MGAT4C: variants seen among roughly 807,000 people sequenced by gnomAD.
The protein encoded by MGAT4C is MGAT4 family member C, also known as alpha-1,3-mannosyl-glycoprotein 4-beta-N-acetylglucosaminyltransferase C.
A neutral mutation model predicts 40.1 loss-of-function variants in MGAT4C; 19 were observed. The ratio of observed to expected loss-of-function variants is 0.47; its 90% CI spans 0.33 to 0.70. MGAT4C has a LOEUF of 0.70. MGAT4C is among the 30% of genes least tolerant of loss of function. The probability of loss-of-function intolerance (pLI) is 0.02; values close to 1 mark genes in which losing one functional copy is unlikely to be tolerated. For missense variants in MGAT4C, 491 were observed against 563.2 expected, an observed-to-expected ratio of 0.87 and a Z score of 1.30; for synonymous variants, 181 against 187.1, an observed-to-expected ratio of 0.97 and a Z score of 0.27.
chr12:86,047,221 A>C (rs2136956883), intron 2 of MGAT4C, among the ~76,000 whole-genome samples: 1 of 152,254 alleles, frequency 6.6e-6, no homozygotes, highest in South Asian at 2.1e-4. Flanking sequence ...AAATCACTAT[A>C]ATTTTTTCTT....
intron 2 of MGAT4C, among the ~76,000 whole-genome samples, chr12:86,539,525 T>C (rs991871510): frequency 6.6e-5 from 10 of 152,224 alleles, no homozygotes; most frequent in African/African-American, 1.9e-4. Flanking sequence ...TTATAATCCT[T>C]TGGGTATGTA....
At chr12:86,147,930 A>G (rs957600908) in intron 1 of MGAT4C, among the ~76,000 whole-genome samples, 2 of 152,234 alleles carry the variant, frequency 1.3e-5, no homozygotes, top group African/African-American at 4.8e-5. Context: ...TTTGAGAGAC[A>G]AATCTAAGGC....
intron 4 of MGAT4C, among the ~76,000 whole-genome samples, chr12:86,285,173 AC>A (rs1298169984): frequency 6.6e-6 from 1 of 152,042 alleles, no homozygotes; most frequent in African/African-American, 2.4e-5. Flanking sequence ...CCTTCCAGTC[AC>A]AAATATTCGG....
intron 4 of MGAT4C, among the ~76,000 whole-genome samples, chr12:86,320,085 C>G (rs920855978): frequency 6.6e-6 from 1 of 152,064 alleles, no homozygotes; most frequent in Non-Finnish European, 1.5e-5. Context: ...TCTGACCCAG[C>G]CCATACTTCC....
intron 3 of MGAT4C, among the ~76,000 whole-genome samples, chr12:86,344,674 C>CT (rs912654041): frequency 3.4e-5 from 5 of 146,164 alleles, no homozygotes; most frequent in Non-Finnish European, 6.0e-5. Flanking sequence ...ATGTCATTTT[C>CT]TTTAAGTGTT....
rs927840618 is a variant in MGAT4C, at chr12:85,974,118, A to G, written c.*5171T>C. ...ATGTTAAAGAATTCAAATAAAAACCATAAACCTGAAACTCTAAAAGAAAAA... is the reference window on the plus strand; with the variant it reads ...ATGTTAAAGAATTCAAATAAAAACCGTAAACCTGAAACTCTAAAAGAAAAA... On this transcript the variant is annotated 3_prime_UTR_variant, in exon 5 of 5. Coordinates refer to ENST00000611864, the MANE Select transcript of MGAT4C (RefSeq NM_001351288.2). The G allele has an allele frequency of 2.6e-5, 4 of 150,954 alleles. No homozygotes were observed. The highest frequency in any genetic ancestry group is 6.0e-5 in the Non-Finnish European group (4 of 67,142). 9.4% of individuals were successfully genotyped at this position (150,954 alleles called of 1,614,324 possible).
intron 1 of MGAT4C, among the ~76,000 whole-genome samples, chr12:86,092,695 A>T (rs12298174): frequency 0.22 from 33,630 of 151,984 alleles, 5,196 homozygotes; most frequent in African/African-American, 0.43. Context: ...ATTCTCAAGC[A>T]TCTAGACCCA....
intron 2 of MGAT4C, among the ~76,000 whole-genome samples, chr12:86,630,454 G>C (rs999101542): frequency 6.6e-5 from 10 of 152,078 alleles, no homozygotes; most frequent in African/African-American, 2.4e-4. Context: ...CACAAAAAAA[G>C]AGAATTTTAG....
chr12:86,332,382 AT>A (rs971800303), intron 4 of MGAT4C, among the ~76,000 whole-genome samples: 5 of 150,468 alleles, frequency 3.3e-5, no homozygotes, highest in African/African-American at 4.9e-5. Context: ...TGAAGAACGG[AT>A]TTTTTTTTCT....
chr12:85,995,075 T>C (rs926566436), intron 2 of MGAT4C, among the ~76,000 whole-genome samples: 5 of 152,214 alleles, frequency 3.3e-5, no homozygotes, highest in Non-Finnish European at 5.9e-5. Context: ...TAGAAGACAC[T>C]ATGTTTTATC....
chr12:86,594,784 G>A (rs1961469604), intron 2 of MGAT4C, among the ~76,000 whole-genome samples: 1 of 152,148 alleles, frequency 6.6e-6, no homozygotes, highest in Non-Finnish European at 1.5e-5. Context: ...CTGAGACATA[G>A]AGACAACTAA....
At chr12:86,456,304 C>T (rs1411338832) in intron 2 of MGAT4C, among the ~76,000 whole-genome samples, 3 of 151,890 alleles carry the variant, frequency 2.0e-5, no homozygotes, top group Admixed American at 6.6e-5. Context: ...ATTTGGGCAG[C>T]GGAAGAGCCA....
chr12:86,761,562 C>T (rs1186065960), intron 1 of MGAT4C, among the ~76,000 whole-genome samples: 1 of 152,160 alleles, frequency 6.6e-6, no homozygotes, highest in Admixed American at 6.5e-5. Context: ...TTCTGGAGAT[C>T]AGAAGTCTAA....
At chr12:86,086,450 G>C (rs1335326731) in intron 1 of MGAT4C, among the ~76,000 whole-genome samples, 2 of 151,914 alleles carry the variant, frequency 1.3e-5, no homozygotes, top group Non-Finnish European at 2.9e-5. Context: ...ACGGGTTGAG[G>C]GGTGCAGCAA....
chr12:86,489,040 C>G (rs1958078543), intron 2 of MGAT4C, among the ~76,000 whole-genome samples: 2 of 152,118 alleles, frequency 1.3e-5, no homozygotes, highest in African/African-American at 2.4e-5. Context: ...TGAATAACAT[C>G]TTTTTGCCAG....
chr12:86,490,577 T>A (rs910082384), intron 2 of MGAT4C, among the ~76,000 whole-genome samples: 1 of 151,668 alleles, frequency 6.6e-6, no homozygotes, highest in Non-Finnish European at 1.5e-5. Flanking sequence ...ATAACAATAT[T>A]AACTTTAAAT....
chr12:86,711,351 GC>G (rs1358848123), intron 2 of MGAT4C, among the ~76,000 whole-genome samples: 3 of 152,182 alleles, frequency 2.0e-5, no homozygotes, highest in Admixed American at 6.5e-5. Flanking sequence ...AGTACCAGGA[GC>G]TGGGGAAGGG....
intron 1 of MGAT4C, among the ~76,000 whole-genome samples, chr12:86,822,229 T>A (rs754160241): frequency 1.3e-5 from 2 of 150,798 alleles, no homozygotes; most frequent in Non-Finnish European, 3.0e-5. Flanking sequence ...AAGGAAGGAA[T>A]CAAAGTTTAT....
chr12:86,146,048 G>A (rs1027941091), intron 1 of MGAT4C, among the ~76,000 whole-genome samples: 1 of 152,098 alleles, frequency 6.6e-6, no homozygotes, highest in African/African-American at 2.4e-5. Context: ...CATTCCTTTT[G>A]ATCAGAAACA....
Sources: allele counts gnomAD v4.1 joint callset (sites outside exome capture counted in the v4.1 genomes callset), GRCh38; gene constraint gnomAD v4.1.1; transcripts MANE v1.5; gene names NCBI Gene and HGNC (gene_info 2026-07-23, HGNC 2026-07-21).